CATSPERT: variants seen among roughly 807,000 people sequenced by gnomAD.
The protein encoded by CATSPERT is cation channel sperm-associated targeting subunit tau.
chr2:201,529,926 A>G, the CATSPERT span, among the ~76,000 whole-genome samples: 1 of 152,108 alleles, frequency 6.6e-6, no homozygotes, highest in Non-Finnish European at 1.5e-5. Context: ...CAAATAACCT[A>G]ATTTTAAAAT....
At chr2:201,535,562 A>T in the CATSPERT span, 1 of 999,072 alleles carries the variant, frequency 1.0e-6, no homozygotes, top group Non-Finnish European at 1.2e-6. Context: ...TTTCCTTTGA[A>T]TTTACATTTT....
the CATSPERT span, among the ~76,000 whole-genome samples, chr2:201,532,583 T>C: frequency 2.0e-5 from 3 of 152,206 alleles, no homozygotes; most frequent in South Asian, 6.2e-4. Context: ...AACCTATTAT[T>C]CAGGTTAGAG....
the CATSPERT span, among the ~76,000 whole-genome samples, chr2:201,568,119 C>G: frequency 6.6e-6 from 1 of 152,166 alleles, no homozygotes; most frequent in Non-Finnish European, 1.5e-5. Context: ...TCACTGTATA[C>G]AGGATGTCAC....
the CATSPERT span, among the ~76,000 whole-genome samples, chr2:201,523,975 T>G: frequency 6.6e-6 from 1 of 152,084 alleles, no homozygotes; most frequent in Non-Finnish European, 1.5e-5. Flanking sequence ...ACAAAATATC[T>G]GAGAAATATA....
the CATSPERT span, chr2:201,555,206 C>T: frequency 4.6e-5 from 7 of 152,160 alleles, no homozygotes; most frequent in African/African-American, 1.2e-4. Flanking sequence ...TTTGTTTACA[C>T]CAAATAGACT....
the CATSPERT span, among the ~76,000 whole-genome samples, chr2:201,496,931 A>AG: frequency 2.0e-5 from 3 of 152,212 alleles, no homozygotes; most frequent in Non-Finnish European, 4.4e-5. Context: ...GATAGCAGTG[A>AG]GGGAGAATGA....
the CATSPERT span, among the ~76,000 whole-genome samples, chr2:201,529,449 G>C: frequency 5.8e-3 from 877 of 152,146 alleles, 8 homozygotes; most frequent in African/African-American, 0.02. Context: ...CAAGTATTCA[G>C]TATTTATAAT....
chr2:201,495,789 G>T, the CATSPERT span: 1 of 579,498 alleles, frequency 1.7e-6, no homozygotes, highest in Non-Finnish European at 2.8e-6. Flanking sequence ...TTTTACAGTA[G>T]CCAGGTGTTT....
At chr2:201,526,745 G>A in the CATSPERT span, among the ~76,000 whole-genome samples, 5 of 152,082 alleles carry the variant, frequency 3.3e-5, no homozygotes, top group South Asian at 2.1e-4. Flanking sequence ...CTCAAAAGAC[G>A]GCATCAGAGG....
the CATSPERT span, among the ~76,000 whole-genome samples, chr2:201,586,943 A>C: frequency 6.6e-6 from 1 of 151,694 alleles, no homozygotes; most frequent in Admixed American, 6.6e-5. Flanking sequence ...TTCCACACTC[A>C]TCTTCCTCCC....
At chr2:201,597,824 C>A in the CATSPERT span, among the ~76,000 whole-genome samples, 2 of 152,122 alleles carry the variant, frequency 1.3e-5, no homozygotes, top group East Asian at 3.9e-4. Flanking sequence ...GTTTTTATAT[C>A]ACTTTCCCAG....
the CATSPERT span, chr2:201,582,330 T>C: frequency 5.2e-6 from 5 of 968,718 alleles, no homozygotes; most frequent in African/African-American, 3.4e-5. Flanking sequence ...ATGCAAATAC[T>C]ATTGCATACT....
At chr2:201,574,078 T>A in the CATSPERT span, 22 of 531,272 alleles carry the variant, frequency 4.1e-5, no homozygotes, top group Non-Finnish European at 5.3e-5. Flanking sequence ...TACCTCAAAG[T>A]CGGGAGGTAA....
the CATSPERT span, among the ~76,000 whole-genome samples, chr2:201,537,764 A>G: frequency 6.6e-6 from 1 of 151,914 alleles, no homozygotes; most frequent in African/African-American, 2.4e-5. Flanking sequence ...ACTCCAGATG[A>G]TAAGTGATGG....
At chr2:201,574,265 G>T in the CATSPERT span, 15 of 1,604,216 alleles carry the variant, frequency 9.4e-6, no homozygotes, top group Admixed American at 3.4e-5. Flanking sequence ...TCCACCTCCA[G>T]CCTGCAGACA....
chr2:201,517,891 C>T, the CATSPERT span, among the ~76,000 whole-genome samples: 1 of 152,216 alleles, frequency 6.6e-6, no homozygotes, highest in Non-Finnish European at 1.5e-5. Flanking sequence ...GTACCTCTTG[C>T]TACTAGTTAC....
At chr2:201,584,782 C>CA in the CATSPERT span, among the ~76,000 whole-genome samples, 6 of 146,964 alleles carry the variant, frequency 4.1e-5, no homozygotes, top group East Asian at 4.0e-4. Flanking sequence ...GACTCTGTCT[C>CA]AAAAAAAAAG....
the CATSPERT span, among the ~76,000 whole-genome samples, chr2:201,548,182 T>C: frequency 3.3e-5 from 5 of 152,144 alleles, no homozygotes; most frequent in Non-Finnish European, 1.5e-5. Flanking sequence ...GTATTTCTCC[T>C]AATGCTATCC....
At chr2:201,536,469 T>A in the CATSPERT span, 1 of 1,035,436 alleles carries the variant, frequency 9.7e-7, no homozygotes, top group Non-Finnish European at 1.3e-6. Flanking sequence ...AATTCCTTAG[T>A]AAACATAGTA....
Sources: allele counts gnomAD v4.1 joint callset (sites outside exome capture counted in the v4.1 genomes callset), GRCh38; gene constraint gnomAD v4.1.1; transcripts MANE v1.5; gene names NCBI Gene and HGNC (gene_info 2026-07-23, HGNC 2026-07-21).